Variants in XPO7 observed in about 807,000 individuals in gnomAD.
XPO7 encodes the protein exportin-7.
A neutral mutation model predicts 144.3 loss-of-function variants in XPO7; 21 were observed. The observed-to-expected ratio is 0.15, with a 90% CI of 0.10 to 0.21. The LOEUF (loss-of-function observed/expected upper bound fraction) is 0.21. Ranked by LOEUF, XPO7 falls within the 10% of genes least tolerant of loss-of-function variation. The pLI is 1.00. For synonymous variants in XPO7, 580 were observed against 499.6 expected (o/e 1.16, Z -2.15); for missense variants, 808 against 1,325.8 (o/e 0.61, Z 6.06).
At chr8:21,937,189 G>T (rs1810848458) in intron 1 of XPO7, among the ~76,000 whole-genome samples, 1 of 152,150 alleles carries the variant, frequency 6.6e-6, no homozygotes, top group South Asian at 2.1e-4. Flanking sequence ...ATCAATGGTA[G>T]ATATGACCAC....
At chr8:21,979,350 T>G (rs935253441) in intron 8 of XPO7, among the ~76,000 whole-genome samples, 2 of 148,794 alleles carry the variant, frequency 1.3e-5, no homozygotes, top group African/African-American at 5.0e-5. Context: ...TGGCCAAAGC[T>G]GGCTTTTTTA....
intron 12 of XPO7, 65 bp downstream of exon 12, chr8:21,984,904 C>T: frequency 6.5e-7 from 1 of 1,530,708 alleles, no homozygotes; most frequent in Non-Finnish European, 8.9e-7. Context: ...CCCCTTCGCT[C>T]ATTGCCACCT....
chr8:21,960,476 CTTCATGAAATAATTTGT>C (rs1811689994), intron 1 of XPO7, among the ~76,000 whole-genome samples: 1 of 152,216 alleles, frequency 6.6e-6, no homozygotes, highest in South Asian at 2.1e-4. Flanking sequence ...TGGCTATTTA[CTTCATGAAATAATTTGT>C]TTGCATGTGT....
At chr8:21,939,173 A>C (rs1810912465) in intron 1 of XPO7, among the ~76,000 whole-genome samples, 1 of 151,244 alleles carries the variant, frequency 6.6e-6, no homozygotes, top group African/African-American at 2.4e-5. Flanking sequence ...TGCCTATGGA[A>C]TATACCCATT....
At position 21,976,595 on chromosome 8, in the gene XPO7, C is replaced by T. The variant is rs1288193927; in HGVS notation, c.763+74C>T. 3.5e-6 allele frequency: 5 copies of T among 1,427,604 alleles called. No individual in the cohort carries two copies. The African/African-American group carries it at 5.8e-5, about 17-fold the overall frequency. The allele number at this position is 1,427,604 out of a possible 1,614,324, so 88.4% of individuals were successfully genotyped here. On this transcript the variant is annotated intron_variant, in intron 7 of 27. Coordinates refer to ENST00000252512, the MANE Select transcript of XPO7 (RefSeq NM_015024.5). ...AGTGTCTGTAGAATGATCTAAAGAA[C>T]TCCTGGCAACTCCTGTGTATTCTGA... is the stretch of plus-strand genomic sequence containing the variant.
chr8:21,919,792 A>G lies in XPO7; in HGVS notation c.18+4A>G. The G allele has an allele frequency of 5.9e-6, 3 of 507,894 alleles. No individual in the cohort carries two copies. Among genetic ancestry groups the G allele is most frequent in the Admixed American group, 5.1e-5 (1 of 19,630 alleles). The allele number at this position is 507,894 out of a possible 1,614,324, so 31.5% of individuals were successfully genotyped here. Reference sequence around the variant, plus strand: ...CAAAATGGCGGATCATGTGCAGGTGAGAGGAGCCGCGGGGGGGAGGGGGCG... The same window carrying G: ...CAAAATGGCGGATCATGTGCAGGTGGGAGGAGCCGCGGGGGGGAGGGGGCG... On this transcript the variant is annotated splice_donor_region_variant and intron_variant, in intron 1 of 27. Coordinates refer to ENST00000252512, the MANE Select transcript of XPO7 (RefSeq NM_015024.5).
chr8:21,944,155 A>G (rs930041457), intron 1 of XPO7, among the ~76,000 whole-genome samples: 2 of 152,216 alleles, frequency 1.3e-5, no homozygotes, highest in Non-Finnish European at 2.9e-5. Context: ...GCTAGGAACA[A>G]GGTTTAGGGC....
intron 19 of XPO7, among the ~76,000 whole-genome samples, chr8:21,993,935 C>T (rs942062334): frequency 1.3e-5 from 2 of 151,222 alleles, no homozygotes; most frequent in African/African-American, 4.9e-5. Context: ...CTCTCTCTCT[C>T]TCTCTGTCTC....
At chr8:21,990,220 T>C in intron 16 of XPO7, 124 bp from the exon 17 acceptor site, 1 of 903,384 alleles carries the variant, frequency 1.1e-6, no homozygotes, top group East Asian at 2.5e-5. Context: ...GGCAGTGGTA[T>C]ACTCAAGTAT....
chr8:21,977,830 C>T lies in XPO7; in HGVS notation c.824C>T (p.Ser275Leu). 6.2e-7 allele frequency: 1 copy of T among 1,613,934 alleles called. No individual in the cohort carries two copies. The highest frequency in any genetic ancestry group is 1.1e-5 in the South Asian group (1 of 91,060). ...GACCTGTATCATTCCATCCCTCCTT[C>T]ATTTTCACCTCTGGTGAGTCAGGAC... is the stretch of plus-strand genomic sequence containing the variant. ...FFDLYHSIPP[S>L]FSPLVLSCLV... The change falls in exon 8 of 28, where the codon TCA (serine) becomes TTA (leucine). Residue 275 changes from serine to leucine, a missense_variant. Physicochemically the swap from Ser to Leu is moderately radical, Grantham distance 145 (BLOSUM62 -2). Transcript: ENST00000252512.
intron 1 of XPO7, among the ~76,000 whole-genome samples, chr8:21,946,574 G>GAA (rs375503342): frequency 0.15 from 13,568 of 88,312 alleles, 961 homozygotes; most frequent in East Asian, 0.38. Context: ...TTCTAGAACT[G>GAA]AAAAAAAAAA....
At chr8:21,923,068 G>T (rs1810342450) in intron 1 of XPO7, among the ~76,000 whole-genome samples, 1 of 152,214 alleles carries the variant, frequency 6.6e-6, no homozygotes, top group Non-Finnish European at 1.5e-5. Flanking sequence ...GCAAGGAAAT[G>T]ATAAGTGCTA....
intron 5 of XPO7, among the ~76,000 whole-genome samples, chr8:21,973,470 G>T (rs1304092048): frequency 6.6e-6 from 1 of 152,128 alleles, no homozygotes; most frequent in East Asian, 1.9e-4. Flanking sequence ...AATGACAGAA[G>T]CAAGAATTGG....
chr8:21,996,240 A>T (rs1028060318), intron 21 of XPO7, among the ~76,000 whole-genome samples: 3 of 152,172 alleles, frequency 2.0e-5, no homozygotes, highest in Admixed American at 6.5e-5. Flanking sequence ...CCTGGGCAAC[A>T]TGGTGAAACC....
intron 19 of XPO7, among the ~76,000 whole-genome samples, chr8:21,993,543 T>C (rs1812835914): frequency 6.6e-6 from 1 of 152,194 alleles, no homozygotes; most frequent in East Asian, 1.9e-4. Context: ...TTTATAGTAG[T>C]TTTATTGCTG....
At position 21,998,859 on chromosome 8, in the gene XPO7, G is replaced by A. The variant is rs570744039; in HGVS notation, c.2428+22G>A. 30 of 1,611,930 alleles carry A rather than the reference G, an allele frequency of 1.9e-5. No individual in the cohort carries two copies. The African/African-American group carries it at 2.0e-4, about 11-fold the overall frequency. On this transcript the variant is annotated intron_variant, in intron 22 of 27. Coordinates refer to ENST00000252512, the MANE Select transcript of XPO7 (RefSeq NM_015024.5). Reference sequence around the variant, plus strand: ...TATGGTAAGTGCTTCAGATAATCATGCCTCTAGAAGTTAATTCCAGCTCAG... The same window carrying A: ...TATGGTAAGTGCTTCAGATAATCATACCTCTAGAAGTTAATTCCAGCTCAG...
Position 21,999,525 on chromosome 8 carries a change from C to T in XPO7, c.2644-11C>T. 2.5e-6 allele frequency: 4 copies of T among 1,613,824 alleles called. No homozygotes were observed. Among genetic ancestry groups the T allele is most frequent in the Non-Finnish European group, 3.4e-6 (4 of 1,179,770 alleles). ...GCCTAAGCTGATTTTCTTCCTCTTC[C>T]TCTCCCACAGGATTACCCCAAGCTC... On this transcript the variant is annotated splice_polypyrimidine_tract_variant and intron_variant, in intron 23 of 27. Coordinates refer to ENST00000252512, the MANE Select transcript of XPO7 (RefSeq NM_015024.5).
intron 4 of XPO7, among the ~76,000 whole-genome samples, chr8:21,971,581 G>C (rs1205687105): frequency 1.3e-5 from 2 of 151,954 alleles, no homozygotes; most frequent in Non-Finnish European, 2.9e-5. Context: ...TTACTTTAGT[G>C]ATGTGTTTTG....
intron 1 of XPO7, among the ~76,000 whole-genome samples, chr8:21,928,494 A>T (rs1226577495): frequency 6.6e-6 from 1 of 152,242 alleles, no homozygotes; most frequent in Non-Finnish European, 1.5e-5. Context: ...ACATTTTTAA[A>T]GAAACTGTCA....
Sources: allele counts gnomAD v4.1 joint callset (sites outside exome capture counted in the v4.1 genomes callset), GRCh38; gene constraint gnomAD v4.1.1; transcripts MANE v1.5; gene names NCBI Gene and HGNC (gene_info 2026-07-23, HGNC 2026-07-21).